Variants in AKAP19 observed in about 807,000 individuals in gnomAD.
AKAP19 encodes the protein A-kinase anchoring protein 19, also known as small A-kinase anchoring protein.
At chr2:189,949,074 G>A in the AKAP19 span, among the ~76,000 whole-genome samples, 2 of 152,018 alleles carry the variant, frequency 1.3e-5, no homozygotes, top group Admixed American at 1.3e-4. Flanking sequence ...TGGTTCCAGG[G>A]CATCCCCCAC....
the AKAP19 span, among the ~76,000 whole-genome samples, chr2:190,092,147 T>C: frequency 1.6e-3 from 241 of 152,326 alleles, no homozygotes; most frequent in Middle Eastern, 0.017. Flanking sequence ...TCAAAACACA[T>C]ACTTAATGGC....
the AKAP19 span, among the ~76,000 whole-genome samples, chr2:190,006,632 C>G: frequency 1.3e-5 from 1 of 76,628 alleles, no homozygotes; most frequent in Non-Finnish European, 2.6e-5. Context: ...GAACGAGACT[C>G]TGTCTCAAAA....
chr2:190,145,664 A>T, the AKAP19 span, among the ~76,000 whole-genome samples: 2 of 152,116 alleles, frequency 1.3e-5, no homozygotes, highest in African/African-American at 4.8e-5. Context: ...TAGGAGCAAT[A>T]GGCTATATCT....
At chr2:189,952,936 A>T in the AKAP19 span, among the ~76,000 whole-genome samples, 1 of 152,214 alleles carries the variant, frequency 6.6e-6, no homozygotes, top group Non-Finnish European at 1.5e-5. Flanking sequence ...AGTGATGGAA[A>T]GGGGGAAGTG....
the AKAP19 span, among the ~76,000 whole-genome samples, chr2:189,938,659 G>A: frequency 6.6e-6 from 1 of 152,064 alleles, no homozygotes; most frequent in African/African-American, 2.4e-5. Flanking sequence ...CTAGCAAAAT[G>A]GTGACTATAG....
chr2:190,186,993 C>T, the AKAP19 span, among the ~76,000 whole-genome samples: 5 of 152,136 alleles, frequency 3.3e-5, no homozygotes, highest in African/African-American at 1.2e-4. This position sits in a 1 kb window ranked among gnomAD's most constrained non-coding sequence, Gnocchi z 5.5. Context: ...GCACCTGCTA[C>T]CATGCCCAGC....
chr2:190,079,856 G>GGGGTGT, the AKAP19 span: 4 of 139,574 alleles, frequency 2.9e-5, no homozygotes, highest in Non-Finnish European at 6.2e-5. Context: ...AAAAATGAGG[G>GGGGTGT]GTGTGTGTGT....
At chr2:190,079,438 T>C in the AKAP19 span, 1 of 152,236 alleles carries the variant, frequency 6.6e-6, no homozygotes, top group Non-Finnish European at 1.5e-5. Flanking sequence ...TTTGTCACTG[T>C]CTCAAGCACT....
chr2:190,125,052 C>G, the AKAP19 span, among the ~76,000 whole-genome samples: 1 of 152,076 alleles, frequency 6.6e-6, no homozygotes, highest in Admixed American at 6.5e-5. Flanking sequence ...TGACAACATG[C>G]CTGCTTCTGG....
At chr2:189,885,435 G>A in the AKAP19 span, among the ~76,000 whole-genome samples, 1 of 152,170 alleles carries the variant, frequency 6.6e-6, no homozygotes, top group African/African-American at 2.4e-5. Flanking sequence ...TCTCAGCTCT[G>A]GTGCCAGACA....
the AKAP19 span, among the ~76,000 whole-genome samples, chr2:190,137,288 C>T: frequency 6.6e-6 from 1 of 152,056 alleles, no homozygotes; most frequent in African/African-American, 2.4e-5. Context: ...TCTTTGTGTC[C>T]TTTATATAGT....
chr2:190,177,484 C>T, the AKAP19 span, among the ~76,000 whole-genome samples: 1 of 152,176 alleles, frequency 6.6e-6, no homozygotes, highest in African/African-American at 2.4e-5. This position sits in a 1 kb window ranked among gnomAD's most constrained non-coding sequence, Gnocchi z 4.6. Flanking sequence ...ATCCCAGGGC[C>T]CGGATCCTTC....
At chr2:189,933,280 T>G in the AKAP19 span, among the ~76,000 whole-genome samples, 9,454 of 152,132 alleles carry the variant, frequency 0.062, 991 homozygotes, top group African/African-American at 0.21. Context: ...GAGGGAGATG[T>G]GAGAGTGGGG....
At chr2:190,139,969 A>G in the AKAP19 span, among the ~76,000 whole-genome samples, 2 of 152,208 alleles carry the variant, frequency 1.3e-5, no homozygotes, top group Non-Finnish European at 2.9e-5. Context: ...CAAGTTAGTT[A>G]CTTCCTAGAT....
chr2:190,154,624 T>C, the AKAP19 span, among the ~76,000 whole-genome samples: 1 of 152,242 alleles, frequency 6.6e-6, no homozygotes, highest in East Asian at 1.9e-4. Context: ...TGAGTTGCAT[T>C]GTCTTAGAAG....
chr2:189,944,314 C>T, the AKAP19 span, among the ~76,000 whole-genome samples: 68 of 152,230 alleles, frequency 4.5e-4, no homozygotes, highest in Non-Finnish European at 7.6e-4. Context: ...CCTGCTCCTA[C>T]TCTCTCTCTT....
chr2:189,933,285 G>C, the AKAP19 span, among the ~76,000 whole-genome samples: 1 of 152,300 alleles, frequency 6.6e-6, no homozygotes, highest in South Asian at 2.1e-4. Context: ...AGATGTGAGA[G>C]TGGGGGCAGA....
the AKAP19 span, among the ~76,000 whole-genome samples, chr2:190,091,839 A>G: frequency 5.9e-5 from 9 of 152,170 alleles, no homozygotes; most frequent in Non-Finnish European, 2.9e-5. Context: ...ATACATATTC[A>G]TCACAGAAAA....
chr2:189,986,207 T>A, the AKAP19 span, among the ~76,000 whole-genome samples: 2 of 152,130 alleles, frequency 1.3e-5, no homozygotes, highest in African/African-American at 4.8e-5. Flanking sequence ...TGTGGCCATA[T>A]CTAAAGTTCT....
Sources: allele counts gnomAD v4.1 joint callset (sites outside exome capture counted in the v4.1 genomes callset), GRCh38; gene constraint gnomAD v4.1.1; non-coding constraint Gnocchi (gnomAD v3.1); transcripts MANE v1.5; gene names NCBI Gene and HGNC (gene_info 2026-07-23, HGNC 2026-07-21).